The following PTP4A1 variants were observed in gnomAD, a reference collection of about 807,000 sequenced individuals.
PTP4A1 encodes the protein protein tyrosine phosphatase type IVA 1.
Under a neutral mutation model 20.5 loss-of-function variants are expected in PTP4A1, and 9 were observed. The ratio of observed to expected loss-of-function variants is 0.44; its 90% CI spans 0.26 to 0.77. PTP4A1 has a LOEUF of 0.77. Ranked by LOEUF, PTP4A1 falls within the 30% of genes least tolerant of loss-of-function variation. The probability of loss-of-function intolerance (pLI) is 0.19; values close to 1 mark genes in which losing one functional copy is unlikely to be tolerated. For missense variants in PTP4A1, 137 were observed against 218.8 expected (o/e 0.63, Z 2.36); for synonymous variants, 78 against 67.4 (o/e 1.16, Z -0.77).
chr6:63,519,268 T>C (rs971160161), upstream of PTP4A1, among the ~76,000 whole-genome samples: 5 of 151,856 alleles, frequency 3.3e-5, no homozygotes, highest in Non-Finnish European at 7.4e-5. Flanking sequence ...GATCACACCA[T>C]TGCACTCCAG....
At chr6:63,561,608 CACAACCCAGGTG>C (rs1388082064) in intron 3 of PTP4A1, among the ~76,000 whole-genome samples, 1 of 152,114 alleles carries the variant, frequency 6.6e-6, no homozygotes, top group East Asian at 1.9e-4. Flanking sequence ...CACTTACAAT[CACAACCCAGGTG>C]ACTTAGGTTA....
At chr6:63,573,471 CGCGGCGCGAACCCGTGATT>C (rs1777625257) in intron 1 of PTP4A1, 1 of 152,030 alleles carries the variant, frequency 6.6e-6, no homozygotes, top group Admixed American at 6.6e-5. Context: ...TGACTGAAGG[CGCGGCGCGAACCCGTGATT>C]GCGGCGCGGA....
At chr6:63,521,511 G>C (rs1198904476), upstream of PTP4A1, among the ~76,000 whole-genome samples, 1 of 152,150 alleles carries the variant, frequency 6.6e-6, no homozygotes, top group African/African-American at 2.4e-5. Flanking sequence ...CATGTAAAGA[G>C]GGTAAATGAC....
chr6:63,519,466 T>TA (rs1774846235), upstream of PTP4A1, among the ~76,000 whole-genome samples: 2 of 152,218 alleles, frequency 1.3e-5, no homozygotes, highest in Non-Finnish European at 2.9e-5. Flanking sequence ...GAAACTGTAC[T>TA]ATGTCCTGTC....
intron 1 of PTP4A1, among the ~76,000 whole-genome samples, chr6:63,527,140 A>C (rs1000348042): frequency 6.6e-6 from 1 of 152,076 alleles, no homozygotes; most frequent in African/African-American, 2.4e-5. Flanking sequence ...TACTCAACAC[A>C]TGTTGGAACT....
upstream of PTP4A1, among the ~76,000 whole-genome samples, chr6:63,519,899 C>G (rs139655376): frequency 6.6e-6 from 1 of 152,208 alleles, no homozygotes; most frequent in Non-Finnish European, 1.5e-5. Context: ...TACCACCATA[C>G]TTTATTTTGA....
chr6:63,578,668 A>G (rs1581950694), intron 3 of PTP4A1, 139 bp downstream of exon 3: 2 of 1,310,066 alleles, frequency 1.5e-6, no homozygotes, highest in East Asian at 5.5e-5. Context: ...ATTGTGCAGA[A>G]TCTTAATTTC....
At chr6:63,550,407 G>A (rs1166477507) in exon 3 of PTP4A1, 1 of 152,092 alleles carries the variant, frequency 6.6e-6, no homozygotes, top group African/African-American at 2.4e-5. Context: ...GCGTTCTTCA[G>A]ACGACTCTAC....
chr6:63,541,064 A>C (rs532462116), intron 2 of PTP4A1, among the ~76,000 whole-genome samples: 7 of 151,884 alleles, frequency 4.6e-5, no homozygotes, highest in Non-Finnish European at 1.0e-4. Context: ...GAAGGGAGGG[A>C]AAGAAAGAAA....
Position 63,576,865 on chromosome 6 carries a change from T to A in PTP4A1, c.-16T>A, listed in dbSNP as rs776312927. 9.4e-6 allele frequency: 15 copies of A among 1,602,158 alleles called. No individual in the cohort carries two copies. Among genetic ancestry groups the A allele is most frequent in the Non-Finnish European group, 1.3e-5 (15 of 1,174,218 alleles). ...TTATTTCATAACCCTATTGAGTGTT[T>A]TTTAACTAAATTAACATGGCTCGAA... is the stretch of plus-strand genomic sequence containing the variant. On this transcript the variant is annotated 5_prime_UTR_variant, in exon 2 of 6. Coordinates refer to ENST00000626021, the MANE Select transcript of PTP4A1 (RefSeq NM_003463.5).
In PTP4A1 at chr6:63,579,350, T is replaced by C. The variant is rs1778071289; in HGVS notation, c.404+19T>C. On this transcript the variant is annotated intron_variant, in intron 5 of 5. Coordinates refer to ENST00000626021, the MANE Select transcript of PTP4A1 (RefSeq NM_003463.5). ...TAAGACAGTAAGTAATGGATTCTCT[T>C]TTCATTTGTACTCTCTTTCATTTCC... The C allele has an allele frequency of 6.4e-7, 1 of 1,553,580 alleles. No homozygotes were observed. Among genetic ancestry groups the C allele is most frequent in the East Asian group, 2.3e-5 (1 of 43,394 alleles).
chr6:63,572,516 C>A lies in PTP4A1; in HGVS notation c.-649C>A. Reference sequence around the variant, plus strand: ...TGTATTGGCTCCTTCGGCTGCGGGCCGGCTCGGCTACGCGCTCTGCTCCGA... The same window carrying A: ...TGTATTGGCTCCTTCGGCTGCGGGCAGGCTCGGCTACGCGCTCTGCTCCGA... On this transcript the variant is annotated 5_prime_UTR_variant, in exon 1 of 6. Coordinates refer to ENST00000626021, the MANE Select transcript of PTP4A1 (RefSeq NM_003463.5). 2.6e-6 allele frequency: 1 copy of A among 391,778 alleles called. No homozygotes were observed. The highest frequency in any genetic ancestry group is 3.6e-5 in the East Asian group (1 of 27,540). 24.3% of individuals were successfully genotyped at this position (391,778 alleles called of 1,614,324 possible). A position where few individuals can be genotyped will look rare whatever the true frequency, so the allele number is the denominator to read the frequency against.
intron 1 of PTP4A1, among the ~76,000 whole-genome samples, chr6:63,526,360 C>A (rs1361916481): frequency 6.6e-6 from 1 of 151,840 alleles, no homozygotes; most frequent in African/African-American, 2.4e-5. Flanking sequence ...TTTCCAGAAG[C>A]TTTGGGTTCT....
chr6:63,551,123 T>A (rs1239815684), intron 3 of PTP4A1, among the ~76,000 whole-genome samples: 1 of 152,122 alleles, frequency 6.6e-6, no homozygotes, highest in South Asian at 2.1e-4. Flanking sequence ...TGGAGCACAG[T>A]TGCTCAATCT....
rs1289105740 is a variant in PTP4A1 at position 63,582,080 on chromosome 6, TAGAC to T, written c.*1909_*1912del. 2 of 152,184 alleles carry T rather than the reference TAGAC, an allele frequency of 1.3e-5. No homozygotes were observed. The highest frequency in any genetic ancestry group is 6.5e-5 in the Admixed American group (1 of 15,282). The allele number at this position is 152,184 out of a possible 1,614,324, so 9.4% of individuals were successfully genotyped here. A position where few individuals can be genotyped will look rare whatever the true frequency, so the allele number is the denominator to read the frequency against. On this transcript the variant is annotated 3_prime_UTR_variant, in exon 6 of 6. Transcript: ENST00000626021. ...ACACTTAATATATTTCATTGGATTT[TAGAC>T]AGGGCAAAAGGAAGAACAGGGGCCT... is the stretch of plus-strand genomic sequence containing the variant.
chr6:63,571,324 G>A (rs1167066640), upstream of PTP4A1: 1 of 152,070 alleles, frequency 6.6e-6, no homozygotes, highest in Non-Finnish European at 1.5e-5. Context: ...TCTCATACTC[G>A]GTGAAAATAA....
chr6:63,526,588 T>C (rs1468847470), intron 1 of PTP4A1, among the ~76,000 whole-genome samples: 1 of 151,416 alleles, frequency 6.6e-6, no homozygotes, highest in Non-Finnish European at 1.5e-5. Flanking sequence ...GGCAGGCGGA[T>C]CGCAAGGTAA....
At chr6:63,569,590 AGTCTT>A (rs77425699), upstream of PTP4A1, among the ~76,000 whole-genome samples, 122 of 152,312 alleles carry the variant, frequency 8.0e-4, no homozygotes, top group Middle Eastern at 3.4e-3. Context: ...ATATTCTTCT[AGTCTT>A]ATTTCCCAAC....
At chr6:63,561,577 G>A (rs180911369) in intron 3 of PTP4A1, among the ~76,000 whole-genome samples, 61 of 152,050 alleles carry the variant, frequency 4.0e-4, no homozygotes, top group Admixed American at 7.9e-4. Context: ...TTTTGTTTCC[G>A]CTTACAATCA....
Sources: allele counts gnomAD v4.1 joint callset (sites outside exome capture counted in the v4.1 genomes callset), GRCh38; gene constraint gnomAD v4.1.1; transcripts MANE v1.5; gene names NCBI Gene and HGNC (gene_info 2026-07-23, HGNC 2026-07-21).